SLC29A2: variants seen among roughly 807,000 people sequenced by gnomAD.
SLC29A2 encodes the protein solute carrier family 29 member 2, also known as equilibrative nucleoside transporter 2.
In SLC29A2, 37 loss-of-function variants were observed where a neutral mutation model predicts 48.8. The observed-to-expected ratio is 0.76, with a 90% CI of 0.58 to 1.00. The LOEUF is 1.00. Ranked by LOEUF, SLC29A2 falls within the 50% of genes least tolerant of loss-of-function variation. The pLI is 0.00. For synonymous variants in SLC29A2, 233 were observed against 261.7 expected (o/e 0.89, Z 1.06); for missense variants, 533 against 578.6 (o/e 0.92, Z 0.81).
At position 66,367,303 on chromosome 11, in the gene SLC29A2, G is replaced by T. The variant is rs1052633144; in HGVS notation, c.733+161C>A. Among the ~76,000 whole-genome samples the T allele has an allele frequency of 2.6e-5, 4 of 152,320 alleles. No homozygotes were observed. In the Middle Eastern group the frequency reaches 0.01, roughly 389 times the overall value. Reference sequence around the variant, plus strand: ...GGAAACTGAGGCCCAAACAACAGCAGGGATGACTTTAATCCTACCAACTTC... The same window carrying T: ...GGAAACTGAGGCCCAAACAACAGCATGGATGACTTTAATCCTACCAACTTC... On this transcript the variant is annotated intron_variant, in intron 7 of 11. Transcript: ENST00000357440.
chr11:66,369,117 C>T lies in SLC29A2; in HGVS notation c.358G>A (p.Asp120Asn), dbSNP rs772508692. The T allele has an allele frequency of 9.4e-6, 15 of 1,592,404 alleles. No homozygotes were observed. The East Asian group carries it at 3.4e-4, about 36-fold the overall frequency. ...FALTAALVKV[D>N]MSPGPFFSIT... Reference sequence around the variant, plus strand: ...GAGAAGAAGGGTCCGGGGCTCATGTCCACCTTGACCAGCGCTGCTGTCAGG... The same window carrying T: ...GAGAAGAAGGGTCCGGGGCTCATGTTCACCTTGACCAGCGCTGCTGTCAGG... Residue 120 changes from aspartate (D) to asparagine (N), a missense_variant, in exon 4 of 12, where the codon GAC (aspartate) becomes AAC (asparagine). Asp to Asn is a conservative substitution (Grantham distance 23). Coordinates refer to ENST00000357440, the MANE Select transcript of SLC29A2 (RefSeq NM_001532.3).
chr11:66,371,667 G>T lies in SLC29A2; in HGVS notation c.-76C>A. ...TGCACCTGCGCTGGGGCGGAGGGCC[G>T]CAGACCGGTGGGGCGGGGGGCGGGT... On this transcript the variant is annotated 5_prime_UTR_variant, in exon 1 of 12. Coordinates refer to ENST00000357440, the MANE Select transcript of SLC29A2 (RefSeq NM_001532.3). 7.0e-7 allele frequency: 1 copy of T among 1,435,550 alleles called. No homozygotes were observed. Among genetic ancestry groups the T allele is most frequent in the Non-Finnish European group, 9.4e-7 (1 of 1,062,692 alleles). The allele number at this position is 1,435,550 out of a possible 1,614,324, so 88.9% of individuals were successfully genotyped here.
chr11:66,364,689 G>A (rs1855570031), intron 10 of SLC29A2: 2 of 341,212 alleles, frequency 5.9e-6, no homozygotes, highest in Middle Eastern at 8.4e-4. Flanking sequence ...TATATTTTTA[G>A]TAGAGCCAGG....
At chr11:66,367,952 A>G in intron 5 of SLC29A2, 83 bp from the exon 6 acceptor site, 2 of 1,057,572 alleles carry the variant, frequency 1.9e-6, no homozygotes, top group Non-Finnish European at 1.4e-6. Flanking sequence ...CCCACTTCCC[A>G]TTGTGTACTT....
intron 8 of SLC29A2, 40 bp from the exon 9 acceptor site, chr11:66,366,271 C>G (rs369087070): frequency 6.3e-7 from 1 of 1,598,522 alleles, no homozygotes; most frequent in Non-Finnish European, 8.6e-7. Flanking sequence ...GCAGGGCAGT[C>G]CCAGGGCCCC....
upstream of SLC29A2, chr11:66,371,932 C>T (rs541276593): frequency 2.2e-3 from 863 of 393,836 alleles, 12 homozygotes; most frequent in African/African-American, 0.013. Flanking sequence ...CCGCAGCCCC[C>T]CGTCCTCTCC....
intron 3 of SLC29A2, 68 bp downstream of exon 3, chr11:66,369,301 G>T: frequency 6.2e-7 from 1 of 1,606,940 alleles, no homozygotes; most frequent in South Asian, 1.1e-5. Flanking sequence ...GGGGGGCAGG[G>T]GGCGCAGGGG....
At position 66,363,176 on chromosome 11, in the gene SLC29A2, C is replaced by G. The variant is rs1318197074; in HGVS notation, c.*260G>C. 2 of 498,102 alleles carry G rather than the reference C, an allele frequency of 4.0e-6. No homozygotes were observed. The highest frequency in any genetic ancestry group is 7.6e-5 in the East Asian group (2 of 26,490). The allele number at this position is 498,102 out of a possible 1,614,324, so 30.9% of individuals were successfully genotyped here. On this transcript the variant is annotated 3_prime_UTR_variant, in exon 12 of 12. Coordinates refer to ENST00000357440, the MANE Select transcript of SLC29A2 (RefSeq NM_001532.3). ...GCAGCCGTGCCCTGCACCCTCTTTT[C>G]CCTAGTCATCACCCTTTCCATGAGG...
In SLC29A2 at chr11:66,369,321, A is replaced by G. The variant is rs372432145; in HGVS notation, c.275+48T>C. On this transcript the variant is annotated intron_variant, in intron 3 of 11. Coordinates refer to ENST00000357440, the MANE Select transcript of SLC29A2 (RefSeq NM_001532.3). Reference sequence around the variant, plus strand: ...GCAGGGGGCGCAGGGGAGGGCCTCAATGAAGCTGCCTCGGCAGAGGGCGCA... The same window carrying G: ...GCAGGGGGCGCAGGGGAGGGCCTCAGTGAAGCTGCCTCGGCAGAGGGCGCA... 1.1e-4 allele frequency: 183 copies of G among 1,612,630 alleles called. No homozygotes were observed. In the East Asian group the frequency reaches 1.2e-3, roughly 11 times the overall value.
In SLC29A2 at chr11:66,366,183, A is replaced by AC. The variant is rs1215257019; in HGVS notation, c.915dup (p.Ser306ValfsTer102). On this transcript the variant is annotated frameshift_variant, in exon 9 of 12. Transcript: ENST00000357440. LOFTEE classifies it high-confidence loss of function. ...ATGGCTGTGATGGCGGGGAAGACGG[A>AC]CAGGGTGACTGTGAAGACCAACACA... 19 of 1,614,208 alleles carry AC rather than the reference A, an allele frequency of 1.2e-5. No individual in the cohort carries two copies. Among genetic ancestry groups the AC allele is most frequent in the Non-Finnish European group, 1.5e-5 (18 of 1,180,034 alleles).
At chr11:66,363,873 GT>G in intron 11 of SLC29A2, 1 of 502,958 alleles carries the variant, frequency 2.0e-6, no homozygotes, top group East Asian at 3.6e-5. Context: ...CCATGACCTT[GT>G]TTTTGGTCAA....
At chr11:66,367,397 T>C in intron 7 of SLC29A2, 67 bp downstream of exon 7, 1 of 1,363,978 alleles carries the variant, frequency 7.3e-7, no homozygotes, top group South Asian at 1.2e-5. Flanking sequence ...ATGGAACAGC[T>C]TCCCAGGGGA....
chr11:66,367,318 C>G, intron 7 of SLC29A2, 146 bp downstream of exon 7: 2 of 755,804 alleles, frequency 2.6e-6, no homozygotes, highest in South Asian at 2.9e-5. Flanking sequence ...GACTTTAATC[C>G]TACCAACTTC....
intron 7 of SLC29A2, 124 bp from the exon 8 acceptor site, chr11:66,366,688 G>A (rs1244862782): frequency 9.4e-6 from 10 of 1,065,862 alleles, no homozygotes; most frequent in South Asian, 3.1e-5. Flanking sequence ...GGTGGCTCAC[G>A]CCTGTAATCC....
intron 5 of SLC29A2, 105 bp from the exon 6 acceptor site, chr11:66,367,974 T>C (rs1590657445): frequency 1.2e-6 from 1 of 840,864 alleles, no homozygotes; most frequent in Non-Finnish European, 2.0e-6. Flanking sequence ...TCAGACCCAC[T>C]CCCAGCCTCT....
chr11:66,370,419 T>C (rs975064001), intron 2 of SLC29A2, among the ~76,000 whole-genome samples: 1 of 152,194 alleles, frequency 6.6e-6, no homozygotes, highest in Non-Finnish European at 1.5e-5. Flanking sequence ...CAAGAAGCAT[T>C]TGCAAAGTTG....
At chr11:66,368,813 G>C (rs1855858490) in intron 4 of SLC29A2, 142 bp from the exon 5 acceptor site, 1 of 1,196,854 alleles carries the variant, frequency 8.4e-7, no homozygotes, top group Admixed American at 2.0e-5. Context: ...AGCACTCGGG[G>C]GCAACACCCG....
At chr11:66,367,956 TG>T in intron 5 of SLC29A2, 87 bp from the exon 6 acceptor site, 1 of 1,032,870 alleles carries the variant, frequency 9.7e-7, no homozygotes. Context: ...CTTCCCATTG[TG>T]TACTTCTCAG....
rs543785392 is a variant in SLC29A2 at position 66,364,770 on chromosome 11, G to C, written c.1060-346C>G. On this transcript the variant is annotated intron_variant, in intron 10 of 11. Coordinates refer to ENST00000357440, the MANE Select transcript of SLC29A2 (RefSeq NM_001532.3). The stretch of plus-strand genomic sequence containing the variant: ...GTTCCACCTGCCTCAGCCTCCCAAA[G>C]TGCTGGGATTACAGGCGTGAGCCAC... 7 of 227,532 alleles carry C rather than the reference G, an allele frequency of 3.1e-5. No homozygotes were observed. The South Asian group carries it at 4.5e-4, about 15-fold the overall frequency. The allele number at this position is 227,532 out of a possible 1,614,324, so 14.1% of individuals were successfully genotyped here.
Sources: gnomAD v4.1 joint callset for allele counts (sites outside exome capture counted in the v4.1 genomes callset) on GRCh38, gnomAD v4.1.1 for gene constraint, MANE v1.5 for transcripts, NCBI Gene and HGNC (gene_info 2026-07-23, HGNC 2026-07-21) for gene names.